The following SOX5 variants were observed in gnomAD, a reference collection of about 807,000 sequenced individuals.
The protein encoded by SOX5 is transcription factor SOX-5.
A neutral mutation model predicts 92.0 loss-of-function variants in SOX5; 9 were observed. That is an observed-to-expected ratio of 0.10 (90% CI 0.06 to 0.17). SOX5 has a LOEUF of 0.17. Among genes scored for constraint, SOX5 ranks in the 10% least tolerant of loss-of-function variants. SOX5 has a pLI of 1.00. For missense variants in SOX5, 642 were observed against 944.5 expected (o/e 0.68, Z 4.20); for synonymous variants, 344 against 336.3 (o/e 1.02, Z -0.25).
chr12:24,100,061 G>C (rs1205431876), intron 4 of SOX5, among the ~76,000 whole-genome samples: 2 of 152,138 alleles, frequency 1.3e-5, no homozygotes, highest in Non-Finnish European at 2.9e-5. Flanking sequence ...ATACTGAGGA[G>C]TGCTCTTCCT....
chr12:24,036,949 G>T (rs1036264280), intron 4 of SOX5, among the ~76,000 whole-genome samples: 3 of 151,946 alleles, frequency 2.0e-5, no homozygotes, highest in African/African-American at 7.3e-5. Flanking sequence ...AATTCAGCAG[G>T]ATAACTGTAA....
At chr12:24,138,779 T>G (rs1000417388) in intron 4 of SOX5, among the ~76,000 whole-genome samples, 1 of 152,136 alleles carries the variant, frequency 6.6e-6, no homozygotes, top group Non-Finnish European at 1.5e-5. Flanking sequence ...ACATAAAAAT[T>G]TCTCTCATCA....
intron 13 of SOX5, among the ~76,000 whole-genome samples, chr12:23,542,636 CT>C (rs1591902208): frequency 6.6e-6 from 1 of 152,130 alleles, no homozygotes; most frequent in African/African-American, 2.4e-5. Context: ...ACCTTTAGTA[CT>C]TAAGGTTACT....
Position 24,550,593 on chromosome 12 carries a change from A to G in SOX5, c.-251+11736T>C, listed in dbSNP as rs117701700. The stretch of plus-strand genomic sequence containing the variant: ...CTAAATACTCCACTTCTCTCTTCTG[A>G]AGAAATATCGGAAAGATTATGTTGA... On this transcript the variant is annotated intron_variant, in intron 1 of 4. Transcript: ENST00000446891. 6.8e-3 allele frequency among the ~76,000 whole-genome samples: 1,037 copies of G among 152,334 alleles called. 13 individuals are homozygous for G. The highest frequency in any genetic ancestry group is 0.017 in the South Asian group (80 of 4,824).
chr12:23,904,638 T>C (rs2097272183), intron 1 of SOX5, among the ~76,000 whole-genome samples: 1 of 152,182 alleles, frequency 6.6e-6, no homozygotes, highest in Non-Finnish European at 1.5e-5. Context: ...TTATTATACA[T>C]TACAAAAGTT....
At chr12:23,772,634 G>A (rs72640135) in intron 3 of SOX5, among the ~76,000 whole-genome samples, 24,617 of 152,136 alleles carry the variant, frequency 0.16, 2,385 homozygotes, top group East Asian at 0.44. Context: ...AATGCTATTT[G>A]TAGTTGTGAA....
At chr12:24,316,416 C>T (rs1949702041) in intron 2 of SOX5, among the ~76,000 whole-genome samples, 2 of 152,182 alleles carry the variant, frequency 1.3e-5, no homozygotes, top group Non-Finnish European at 2.9e-5. Context: ...GATATTGGCA[C>T]AAGTTATCTG....
rs1053996547 is a variant in SOX5, at chr12:23,558,685, C to G, written c.1488+4573G>C. On this transcript the variant is annotated intron_variant, in intron 11 of 14. Coordinates refer to ENST00000451604, the MANE Select transcript of SOX5 (RefSeq NM_006940.6). ...TGGCGTGATCCTGGCTCACCGCAAC[C>G]TCTGCCTCCCAGGTTCAAGTGATTC... Among the ~76,000 whole-genome samples the G allele has an allele frequency of 4.9e-4, 75 of 152,244 alleles. 1 individual carries two copies. Among genetic ancestry groups the G allele is most frequent in the Admixed American group, 4.9e-3 (75 of 15,286 alleles).
chr12:23,949,736 CT>C, upstream of SOX5: 56 of 1,028,742 alleles, frequency 5.4e-5, 1 homozygote, highest in Non-Finnish European at 7.6e-5. Flanking sequence ...CCCTCCCTCT[CT>C]CTCTCTCTCT....
intron 2 of SOX5, among the ~76,000 whole-genome samples, chr12:24,291,325 A>G (rs1946596857): frequency 1.3e-5 from 2 of 152,236 alleles, no homozygotes; most frequent in Non-Finnish European, 2.9e-5. Context: ...GTCAACATCA[A>G]CGTTCCAAAG....
chr12:24,054,263 C>T (rs1477200509), intron 4 of SOX5, among the ~76,000 whole-genome samples: 1 of 152,208 alleles, frequency 6.6e-6, no homozygotes, highest in Non-Finnish European at 1.5e-5. Context: ...TCTCCTCCCT[C>T]CCCTTCACTA....
chr12:23,583,159 TTTCC>T (rs1445592670), intron 9 of SOX5, among the ~76,000 whole-genome samples: 64 of 152,170 alleles, frequency 4.2e-4, no homozygotes, highest in African/African-American at 1.4e-3. Flanking sequence ...CTTTTTACAT[TTTCC>T]TTCCTTCTCT....
intron 4 of SOX5, among the ~76,000 whole-genome samples, chr12:23,956,322 A>G (rs1416499209): frequency 3.9e-5 from 6 of 152,128 alleles, no homozygotes; most frequent in Non-Finnish European, 8.8e-5. Flanking sequence ...CCAACCCCCA[A>G]GGCCAGTACT....
At chr12:23,840,979 A>T (rs1033434985) in intron 3 of SOX5, among the ~76,000 whole-genome samples, 9 of 152,242 alleles carry the variant, frequency 5.9e-5, no homozygotes, top group African/African-American at 2.2e-4. Context: ...CAAAACAATT[A>T]ATAATTAGAT....
At chr12:24,504,381 A>C (rs1948518127) in intron 1 of SOX5, among the ~76,000 whole-genome samples, 1 of 152,200 alleles carries the variant, frequency 6.6e-6, no homozygotes, top group African/African-American at 2.4e-5. Flanking sequence ...TTTTAAAAAA[A>C]TTACATTACA....
Position 24,472,302 on chromosome 12 carries a change from C to A in SOX5, c.-251+90027G>T, listed in dbSNP as rs563212690. ...AAAGGTTAAAGGGAATCCAGAGGTG[C>A]AAGACCTGTAACTACCTATCCTTTC... On this transcript the variant is annotated intron_variant, in intron 1 of 4. Coordinates refer to the SOX5 transcript ENST00000446891. Among the ~76,000 whole-genome samples, 4 of 152,296 alleles carry A rather than the reference C, an allele frequency of 2.6e-5. No individual in the cohort carries two copies. In the South Asian group the frequency reaches 6.2e-4, roughly 24 times the overall value.
At chr12:24,211,974 T>C (rs1958667950) in intron 4 of SOX5, among the ~76,000 whole-genome samples, 1 of 152,260 alleles carries the variant, frequency 6.6e-6, no homozygotes, top group Non-Finnish European at 1.5e-5. Context: ...ATTTCCATAA[T>C]ATTTGCAAAC....
upstream of SOX5, among the ~76,000 whole-genome samples, chr12:23,953,177 G>T (rs183552611): frequency 5.0e-4 from 76 of 152,114 alleles, no homozygotes; most frequent in Non-Finnish European, 9.1e-4. Context: ...TAGAATATCA[G>T]CAAAAGGAAA....
At chr12:24,504,879 T>C (rs1276971636) in intron 1 of SOX5, among the ~76,000 whole-genome samples, 2 of 152,192 alleles carry the variant, frequency 1.3e-5, no homozygotes, top group Non-Finnish European at 2.9e-5. Context: ...TACTCTCACT[T>C]TTTTTGTTTT....
Sources: gnomAD v4.1 joint callset for allele counts (sites outside exome capture counted in the v4.1 genomes callset) on GRCh38, gnomAD v4.1.1 for gene constraint, MANE v1.5 for transcripts, NCBI Gene and HGNC (gene_info 2026-07-23, HGNC 2026-07-21) for gene names.